The following MPPED2 variants were observed in gnomAD, a reference collection of about 807,000 sequenced individuals.
The protein encoded by MPPED2 is metallophosphoesterase domain containing 2, also known as metallophosphoesterase MPPED2.
MPPED2 carries 5 observed loss-of-function variants against 33.0 expected under a neutral mutation model. The observed-to-expected ratio is 0.15, with a 90% confidence interval of 0.08 to 0.32. MPPED2 has a LOEUF of 0.32. MPPED2 is among the 10% of genes least tolerant of loss of function. The pLI, the probability that MPPED2 is intolerant of heterozygous loss-of-function variation, is 1.00. For missense variants in MPPED2, 275 were observed against 372.1 expected (o/e 0.74, Z 2.15); for synonymous variants, 136 against 141.9 (o/e 0.96, Z 0.29).
intron 2 of MPPED2, 24 bp downstream of exon 2, chr11:30,580,222 G>A (rs754234903): frequency 8.8e-6 from 14 of 1,591,748 alleles, no homozygotes; most frequent in South Asian, 8.1e-5. Context: ...TGCTAATTTT[G>A]TTAAGTTCAT....
intron 3 of MPPED2, among the ~76,000 whole-genome samples, chr11:30,513,066 C>T (rs1467833422): frequency 2.0e-5 from 3 of 151,834 alleles, no homozygotes; most frequent in Admixed American, 2.0e-4. Flanking sequence ...AGATTCTGTT[C>T]TCTAGGTCTG....
At chr11:30,454,781 A>G (rs962685664) in intron 4 of MPPED2, among the ~76,000 whole-genome samples, 3 of 152,212 alleles carry the variant, frequency 2.0e-5, no homozygotes, top group Non-Finnish European at 4.4e-5. Context: ...CAAAACAACT[A>G]GTGCTGGGCC....
At chr11:30,494,621 C>T (rs568103346) in intron 4 of MPPED2, among the ~76,000 whole-genome samples, 1 of 150,640 alleles carries the variant, frequency 6.6e-6, no homozygotes, top group East Asian at 2.0e-4. Context: ...GCCTGTAATC[C>T]CAGGTACTTT....
chr11:30,411,381 G>A lies in MPPED2; in HGVS notation c.*87C>T. On this transcript the variant is annotated 3_prime_UTR_variant, in exon 7 of 7. Transcript: ENST00000358117. ...TTTACAAAAAGAACTCACAGGGTTT[G>A]TAAATAAGTAAGAGAATGTAAGTTT... is the stretch of plus-strand genomic sequence containing the variant. The A allele has an allele frequency of 6.9e-7, 1 of 1,451,378 alleles. No individual in the cohort carries two copies. Among genetic ancestry groups the A allele is most frequent in the Non-Finnish European group, 9.2e-7 (1 of 1,089,996 alleles). 89.9% of individuals were successfully genotyped at this position (1,451,378 alleles called of 1,614,324 possible).
intron 2 of MPPED2, 72 bp from the exon 3 acceptor site, chr11:30,536,247 T>TA: frequency 7.8e-7 from 1 of 1,286,486 alleles, no homozygotes; most frequent in Non-Finnish European, 1.0e-6. Flanking sequence ...CGCACATACA[T>TA]ATTTATTATT....
chr11:30,477,299 G>C (rs375167288), intron 4 of MPPED2, among the ~76,000 whole-genome samples: 20 of 152,068 alleles, frequency 1.3e-4, no homozygotes, highest in African/African-American at 4.8e-4. Context: ...TCCTTATCTT[G>C]TTTCTGATCT....
At chr11:30,440,504 G>A (rs10835668) in intron 4 of MPPED2, among the ~76,000 whole-genome samples, 29,291 of 152,040 alleles carry the variant, frequency 0.19, 3,993 homozygotes, top group African/African-American at 0.39. Context: ...AACATTTGCT[G>A]ACCCCTGTTC....
intron 4 of MPPED2, among the ~76,000 whole-genome samples, chr11:30,483,074 G>A (rs2242144): frequency 0.19 from 28,995 of 152,094 alleles, 2,868 homozygotes; most frequent in East Asian, 0.28. Context: ...TGCCTCTGAA[G>A]CTGCTATGAA....
intron 4 of MPPED2, among the ~76,000 whole-genome samples, chr11:30,442,822 G>C (rs1313239786): frequency 6.6e-6 from 1 of 152,118 alleles, no homozygotes; most frequent in African/African-American, 2.4e-5. Context: ...CCAAGCTGGG[G>C]AACATAAACA....
chr11:30,505,450 G>A (rs776978449), intron 3 of MPPED2, among the ~76,000 whole-genome samples: 4 of 152,178 alleles, frequency 2.6e-5, no homozygotes, highest in Non-Finnish European at 5.9e-5. Context: ...ATCCCTAGTG[G>A]TAACCGTCCA....
chr11:30,404,108 G>A (rs667511), intron 6 of MPPED2, among the ~76,000 whole-genome samples: 52,044 of 152,018 alleles, frequency 0.34, 9,213 homozygotes, highest in Non-Finnish European at 0.38. Context: ...TACCACCATG[G>A]AGACCTGGCC....
At chr11:30,547,465 G>A (rs1401611658) in intron 2 of MPPED2, among the ~76,000 whole-genome samples, 1 of 152,106 alleles carries the variant, frequency 6.6e-6, no homozygotes, top group Non-Finnish European at 1.5e-5. Flanking sequence ...TTTGTGTATG[G>A]CTATGTGTGT....
At chr11:30,490,198 T>C (rs1219306973) in intron 4 of MPPED2, among the ~76,000 whole-genome samples, 1 of 152,146 alleles carries the variant, frequency 6.6e-6, no homozygotes, top group Non-Finnish European at 1.5e-5. Flanking sequence ...AAGACAAAAT[T>C]GGGCACCACT....
At chr11:30,495,029 C>CAAT (rs1952189850) in intron 4 of MPPED2, 3 of 425,312 alleles carry the variant, frequency 7.1e-6, no homozygotes, top group Non-Finnish European at 1.3e-5. Context: ...GGTCCTGGAC[C>CAAT]AATACCCCAT....
intron 6 of MPPED2, among the ~76,000 whole-genome samples, chr11:30,400,056 C>G (rs762979818): frequency 6.6e-6 from 1 of 151,932 alleles, no homozygotes; most frequent in Non-Finnish European, 1.5e-5. Context: ...TTATGGCAGT[C>G]GAGAGATCAG....
chr11:30,389,224 G>C (rs1321314565), intron 6 of MPPED2, among the ~76,000 whole-genome samples: 3 of 152,188 alleles, frequency 2.0e-5, no homozygotes, highest in African/African-American at 4.8e-5. Context: ...TCCTCCAGCA[G>C]AGCCTTTTGA....
chr11:30,385,730 AG>A (rs1185934550), exon 7 of MPPED2: 5 of 152,072 alleles, frequency 3.3e-5, no homozygotes, highest in Non-Finnish European at 7.3e-5. Flanking sequence ...TTATACAAAA[AG>A]CTCTGTACCT....
intron 2 of MPPED2, among the ~76,000 whole-genome samples, chr11:30,575,093 C>G (rs1002942182): frequency 2.6e-5 from 4 of 152,138 alleles, no homozygotes; most frequent in African/African-American, 7.2e-5. Context: ...AATGAAATCT[C>G]AGATCAGACA....
intron 4 of MPPED2, among the ~76,000 whole-genome samples, chr11:30,490,017 A>G (rs1240287017): frequency 6.6e-6 from 1 of 152,138 alleles, no homozygotes; most frequent in Non-Finnish European, 1.5e-5. Context: ...CTGGCTACAG[A>G]TTCAGTAATC....
Sources: allele counts gnomAD v4.1 joint callset (sites outside exome capture counted in the v4.1 genomes callset), GRCh38; gene constraint gnomAD v4.1.1; transcripts MANE v1.5; gene names NCBI Gene and HGNC (gene_info 2026-07-23, HGNC 2026-07-21).